ADGRL3: variants seen among roughly 807,000 people sequenced by gnomAD.
ADGRL3 encodes calcium-independent alpha-latrotoxin receptor 3.
Under a neutral mutation model 153.5 loss-of-function variants are expected in ADGRL3, and 62 were observed. The ratio of observed to expected loss-of-function variants is 0.40; its 90% CI spans 0.33 to 0.50. The LOEUF is 0.50. Among genes scored for constraint, ADGRL3 ranks in the 20% least tolerant of loss-of-function variants. The pLI, the probability that ADGRL3 is intolerant of heterozygous loss-of-function variation, is 0.47. For missense variants in ADGRL3, 1,641 were observed against 1,859.4 expected (o/e 0.88, Z 2.16); for synonymous variants, 710 against 672.5 (o/e 1.06, Z -0.86).
Position 61,733,245 on chromosome 4 carries a change from C to T in ADGRL3, c.1090C>T (p.Arg364Trp), listed in dbSNP as rs747620859. The T allele has an allele frequency of 3.1e-6, 5 of 1,613,608 alleles. No homozygotes were observed. The highest frequency in any genetic ancestry group is 3.4e-6 in the Non-Finnish European group (4 of 1,179,768). ...TAGTCAATTGAACCCTTACACCCTA[C>T]GGATCGAAGGAACATGGGATACTGC... ...VISQLNPYTL[R>W]IEGTWDTAYD... is the part of the protein sequence containing the mutation. The change falls in exon 8 of 27, where the codon CGG becomes TGG. Residue 364 changes from arginine (R) to tryptophan (W), a missense_variant. Physicochemically the swap from Arg to Trp is moderately radical, Grantham distance 101. This residue lies in a region of ADGRL3 where 213 missense variants were observed against 362.1 expected (regional missense o/e 0.59). Coordinates refer to ENST00000683033, the MANE Select transcript of ADGRL3 (RefSeq NM_001387552.1).
intron 9 of ADGRL3, among the ~76,000 whole-genome samples, chr4:61,871,026 C>T (rs6848687): frequency 6.6e-6 from 1 of 151,878 alleles, no homozygotes; most frequent in Non-Finnish European, 1.5e-5. Flanking sequence ...TGCCTGTAAT[C>T]CCAGCTCTTT....
chr4:62,002,662 A>T (rs1365304851), intron 21 of ADGRL3, among the ~76,000 whole-genome samples: 1 of 152,034 alleles, frequency 6.6e-6, no homozygotes, highest in Non-Finnish European at 1.5e-5. Flanking sequence ...AAAATTAAAT[A>T]ATACATGCCT....
chr4:61,494,449 C>G (rs2098291386), intron 2 of ADGRL3, among the ~76,000 whole-genome samples: 1 of 152,166 alleles, frequency 6.6e-6, no homozygotes, highest in Admixed American at 6.6e-5. Flanking sequence ...TGACAATTGT[C>G]TGTCCACTTC....
chr4:61,993,902 G>A (rs752086108), intron 19 of ADGRL3, among the ~76,000 whole-genome samples: 4 of 152,074 alleles, frequency 2.6e-5, no homozygotes, highest in South Asian at 2.1e-4. Context: ...TTTGAACACC[G>A]TCACAACAAA....
Position 61,996,229 on chromosome 4 carries a change from C to G in ADGRL3, c.3237-62C>G, listed in dbSNP as rs371816876. 164 of 1,035,714 alleles carry G rather than the reference C, an allele frequency of 1.6e-4. 2 individuals are homozygous for G. In the Middle Eastern group the frequency reaches 8.4e-3, roughly 53 times the overall value. The allele number at this position is 1,035,714 out of a possible 1,614,324, so 64.2% of individuals were successfully genotyped here. A position where few individuals can be genotyped will look rare whatever the true frequency, so the allele number is the denominator to read the frequency against. On this transcript the variant is annotated intron_variant, in intron 19 of 26. Transcript: ENST00000683033. Reference sequence around the variant, plus strand: ...CACATTCTTCTCTGTCACAGGTTCACTCTTGATGTATGTCCCATACCCAGT... The same window carrying G: ...CACATTCTTCTCTGTCACAGGTTCAGTCTTGATGTATGTCCCATACCCAGT...
At chr4:61,280,520 T>C (rs901279154) in intron 1 of ADGRL3, among the ~76,000 whole-genome samples, 62 of 152,268 alleles carry the variant, frequency 4.1e-4, no homozygotes, top group African/African-American at 1.4e-3. Context: ...CACCATGTTG[T>C]TTTTGGAGAG....
intron 9 of ADGRL3, among the ~76,000 whole-genome samples, chr4:61,822,900 T>G (rs902805619): frequency 6.6e-5 from 10 of 152,226 alleles, no homozygotes; most frequent in Non-Finnish European, 1.2e-4. Context: ...CTGAACATTC[T>G]TCTTCAGGTT....
chr4:61,847,469 GTGTACT>G (rs2098130498), intron 9 of ADGRL3, among the ~76,000 whole-genome samples: 4 of 147,690 alleles, frequency 2.7e-5, no homozygotes, highest in Admixed American at 2.1e-4. Flanking sequence ...CAGGGTATGT[GTGTACT>G]ACATGAAGGT....
intron 9 of ADGRL3, among the ~76,000 whole-genome samples, chr4:61,833,027 G>C (rs909648001): frequency 6.6e-6 from 1 of 151,822 alleles, no homozygotes; most frequent in Non-Finnish European, 1.5e-5. Context: ...GAGGATTTTC[G>C]TGTGAAAATA....
intron 8 of ADGRL3, among the ~76,000 whole-genome samples, chr4:61,762,178 CT>C (rs2096920555): frequency 1.3e-5 from 2 of 152,008 alleles, no homozygotes; most frequent in Admixed American, 1.3e-4. Context: ...ATATAATGTT[CT>C]AAGATAACTG....
intron 1 of ADGRL3, among the ~76,000 whole-genome samples, chr4:61,205,820 T>C (rs1258244882): frequency 6.6e-6 from 1 of 152,178 alleles, no homozygotes; most frequent in Admixed American, 6.5e-5. Context: ...ATTGTGAGAA[T>C]GTAGCGTGAG....
intron 1 of ADGRL3, among the ~76,000 whole-genome samples, chr4:61,331,188 G>A (rs112150949): frequency 6.6e-6 from 1 of 152,058 alleles, no homozygotes; most frequent in Non-Finnish European, 1.5e-5. Context: ...GCATTTTTGT[G>A]CACAACAAAT....
chr4:61,274,535 A>C (rs1015658876), intron 1 of ADGRL3, among the ~76,000 whole-genome samples: 2 of 152,166 alleles, frequency 1.3e-5, no homozygotes, highest in African/African-American at 2.4e-5. Context: ...AAATGCGTTG[A>C]ATAACTATAT....
rs1266395390 is a variant in ADGRL3, at chr4:61,652,327, T to C, written c.474-24499T>C. Reference sequence around the variant, plus strand: ...TAGCATTACTTTTACTTATATTTTTTACCCAGTCTGAAGATTAAAGATACA... The same window carrying C: ...TAGCATTACTTTTACTTATATTTTTCACCCAGTCTGAAGATTAAAGATACA... On this transcript the variant is annotated intron_variant, in intron 5 of 26. Transcript: ENST00000683033. Among the ~76,000 whole-genome samples, 3 of 152,212 alleles carry C rather than the reference T, an allele frequency of 2.0e-5. No homozygotes were observed. In the East Asian group the frequency reaches 5.8e-4, roughly 29 times the overall value.
At chr4:61,241,195 G>T (rs1294750579) in intron 1 of ADGRL3, among the ~76,000 whole-genome samples, 1 of 151,890 alleles carries the variant, frequency 6.6e-6, no homozygotes, top group African/African-American at 2.4e-5. Context: ...AGCAGATATA[G>T]CTCATTTGGG....
chr4:61,486,661 T>C (rs1314227108), intron 2 of ADGRL3, among the ~76,000 whole-genome samples: 1 of 152,218 alleles, frequency 6.6e-6, no homozygotes, highest in Non-Finnish European at 1.5e-5. Context: ...AGTTCCCTTT[T>C]AAGGAAAATT....
chr4:61,954,016 G>A (rs1464205260), intron 17 of ADGRL3, among the ~76,000 whole-genome samples: 1 of 152,062 alleles, frequency 6.6e-6, no homozygotes, highest in Admixed American at 6.6e-5. Context: ...CTCCCTCGGA[G>A]ATGTCATGCA....
At chr4:61,850,240 GTTA>G (rs2098185834) in intron 9 of ADGRL3, among the ~76,000 whole-genome samples, 2 of 152,022 alleles carry the variant, frequency 1.3e-5, no homozygotes, top group South Asian at 4.1e-4. Flanking sequence ...AAAGTTCTGT[GTTA>G]TTATTTTTCT....
At chr4:61,217,033 C>T (rs1388927693) in intron 1 of ADGRL3, among the ~76,000 whole-genome samples, 1 of 152,206 alleles carries the variant, frequency 6.6e-6, no homozygotes, top group African/African-American at 2.4e-5. Context: ...AGACTAGCTT[C>T]ATTAAATCAT....
Sources: allele counts gnomAD v4.1 joint callset (sites outside exome capture counted in the v4.1 genomes callset), GRCh38; gene constraint gnomAD v4.1.1; regional missense constraint gnomAD v4.1.1; transcripts MANE v1.5; gene names NCBI Gene and HGNC (gene_info 2026-07-23, HGNC 2026-07-21).